The following FAM13A variants were observed in gnomAD, a reference collection of about 807,000 sequenced individuals.
FAM13A encodes protein FAM13A.
In FAM13A, 76 loss-of-function variants were observed where a neutral mutation model predicts 129.6. The ratio of observed to expected loss-of-function variants is 0.59; its 90% CI spans 0.49 to 0.71. The LOEUF (loss-of-function observed/expected upper bound fraction) is 0.71. FAM13A is among the 30% of genes least tolerant of loss of function. The pLI, the probability that FAM13A is intolerant of heterozygous loss-of-function variation, is 0.00. For synonymous variants in FAM13A, 443 were observed against 449.9 expected (o/e 0.98, Z 0.20); for missense variants, 1,108 against 1,249.3 (o/e 0.89, Z 1.70).
chr4:88,879,487 T>TA (rs573650675), intron 6 of FAM13A, among the ~76,000 whole-genome samples: 8 of 148,588 alleles, frequency 5.4e-5, no homozygotes, highest in East Asian at 1.9e-4. Flanking sequence ...TCTTACCTAT[T>TA]AAAAAAAAAA....
At chr4:88,914,919 T>C (rs374624629) in intron 5 of FAM13A, among the ~76,000 whole-genome samples, 12 of 152,230 alleles carry the variant, frequency 7.9e-5, no homozygotes, top group African/African-American at 2.9e-4. Context: ...TAACACATTT[T>C]CCTATTTCTG....
intron 3 of FAM13A, chr4:89,008,865 T>C (rs1034060640): frequency 6.6e-6 from 1 of 152,224 alleles, no homozygotes; most frequent in Non-Finnish European, 1.5e-5. Flanking sequence ...ACATAATTGA[T>C]GCTCAGAATT....
chr4:88,821,386 T>A (rs1278908096), intron 7 of FAM13A, among the ~76,000 whole-genome samples: 1 of 152,200 alleles, frequency 6.6e-6, no homozygotes, highest in African/African-American at 2.4e-5. Flanking sequence ...GAATGCAAAT[T>A]CAAATTATTC....
At chr4:88,730,355 G>A (rs1336270472) in intron 23 of FAM13A, among the ~76,000 whole-genome samples, 2 of 152,160 alleles carry the variant, frequency 1.3e-5, no homozygotes, top group Non-Finnish European at 2.9e-5. Context: ...ATTCACTGGC[G>A]AGAGGCAGCC....
intron 21 of FAM13A, among the ~76,000 whole-genome samples, chr4:88,734,293 A>T (rs1369391815): frequency 6.6e-6 from 1 of 152,192 alleles, no homozygotes; most frequent in African/African-American, 2.4e-5. Context: ...GGTGACATGA[A>T]CCTGAAGGGC....
At chr4:88,862,900 C>A (rs1274107324) in intron 6 of FAM13A, among the ~76,000 whole-genome samples, 1 of 151,480 alleles carries the variant, frequency 6.6e-6, no homozygotes, top group Non-Finnish European at 1.5e-5. Flanking sequence ...TTAAGAGAGA[C>A]TTCTCACTGG....
chr4:88,843,058 A>G (rs1736083121), intron 7 of FAM13A, among the ~76,000 whole-genome samples: 1 of 152,182 alleles, frequency 6.6e-6, no homozygotes, highest in Non-Finnish European at 1.5e-5. Context: ...ATATTTTTTC[A>G]TGGGAGCTAG....
intron 10 of FAM13A, among the ~76,000 whole-genome samples, chr4:88,786,792 T>C (rs1198013060): frequency 6.6e-6 from 1 of 152,142 alleles, no homozygotes. Context: ...AAGTTTTTTT[T>C]CTTTTTCCAT....
chr4:88,965,074 T>G (rs1007849540), intron 4 of FAM13A, among the ~76,000 whole-genome samples: 2 of 152,234 alleles, frequency 1.3e-5, no homozygotes, highest in African/African-American at 4.8e-5. Context: ...ACGTCTTCTT[T>G]CCTTTTATAA....
chr4:89,055,741 TAAAA>T (rs1044492625), intron 1 of FAM13A, among the ~76,000 whole-genome samples: 14 of 152,064 alleles, frequency 9.2e-5, no homozygotes, highest in African/African-American at 2.9e-4. Context: ...TTTGGGGTGA[TAAAA>T]AAAGAATAAC....
Position 88,750,530 on chromosome 4 carries a change from T to C in FAM13A, c.1834A>G (p.Ser612Gly). 3 of 1,614,158 alleles carry C rather than the reference T, an allele frequency of 1.9e-6. No individual in the cohort carries two copies. Among genetic ancestry groups the C allele is most frequent in the Non-Finnish European group, 2.5e-6 (3 of 1,180,018 alleles). The change falls in exon 15 of 24, where the codon AGC becomes GGC. Residue 612 changes from serine (S) to glycine (G), a missense_variant. Ser to Gly is a moderately conservative substitution (Grantham distance 56). Transcript: ENST00000264344. ...AACCGAGGAGAGAGCATGGGGTCGCTGTCTTCGTCCAGCAGCTGACGGATC... is the reference window on the plus strand; with the variant it reads ...AACCGAGGAGAGAGCATGGGGTCGCCGTCTTCGTCCAGCAGCTGACGGATC... ...RLIRQLLDED[S>G]DPMLSPRFYA...
chr4:89,038,392 C>T (rs1052460270), intron 1 of FAM13A, among the ~76,000 whole-genome samples: 2 of 151,954 alleles, frequency 1.3e-5, no homozygotes, highest in Non-Finnish European at 1.5e-5. Flanking sequence ...AGAAAGCCAC[C>T]CCATCACCAA....
chr4:88,749,729 G>A (rs1185143097), intron 16 of FAM13A, 42 bp downstream of exon 16: 20 of 1,602,368 alleles, frequency 1.2e-5, no homozygotes, highest in Non-Finnish European at 1.6e-5. Flanking sequence ...CCATGTCCAG[G>A]GAGAGGATGA....
At chr4:88,824,572 C>T (rs1488088456) in intron 7 of FAM13A, among the ~76,000 whole-genome samples, 1 of 152,142 alleles carries the variant, frequency 6.6e-6, no homozygotes, top group Non-Finnish European at 1.5e-5. Flanking sequence ...CTTATTTCAA[C>T]TGAAATTGTC....
chr4:88,886,992 G>C (rs558358817), intron 6 of FAM13A, among the ~76,000 whole-genome samples: 2 of 151,962 alleles, frequency 1.3e-5, no homozygotes, highest in Non-Finnish European at 2.9e-5. Context: ...AATGGCATTC[G>C]CAACAACCTG....
intron 11 of FAM13A, among the ~76,000 whole-genome samples, chr4:88,775,592 G>C (rs534694445): frequency 7.2e-5 from 11 of 151,974 alleles, no homozygotes; most frequent in Admixed American, 6.6e-4. Flanking sequence ...CTATGGTCCC[G>C]GCTACTTGGG....
At chr4:88,968,009 C>T (rs1189849986) in intron 4 of FAM13A, among the ~76,000 whole-genome samples, 1 of 152,098 alleles carries the variant, frequency 6.6e-6, no homozygotes, top group African/African-American at 2.4e-5. Context: ...ACTGACTTTT[C>T]CTGTTTATCC....
intron 6 of FAM13A, among the ~76,000 whole-genome samples, chr4:88,858,348 C>A (rs1217562144): frequency 6.6e-6 from 1 of 152,164 alleles, no homozygotes; most frequent in South Asian, 2.1e-4. Flanking sequence ...AAAAAGTAAT[C>A]GTTTATACTG....
At chr4:88,922,695 T>G (rs573050928) in intron 5 of FAM13A, among the ~76,000 whole-genome samples, 168 of 152,004 alleles carry the variant, frequency 1.1e-3, no homozygotes, top group East Asian at 7.8e-3. Flanking sequence ...AAGAAATAAC[T>G]AAAATCAGAG....
Sources: allele counts gnomAD v4.1 joint callset (sites outside exome capture counted in the v4.1 genomes callset), GRCh38; gene constraint gnomAD v4.1.1; transcripts MANE v1.5; gene names NCBI Gene and HGNC (gene_info 2026-07-23, HGNC 2026-07-21).